The following GALNTL5 variants were observed in gnomAD, a reference collection of about 807,000 sequenced individuals.
GALNTL5 encodes the protein inactive polypeptide N-acetylgalactosaminyltransferase-like protein 5.
GALNTL5 carries 44 observed loss-of-function variants against 51.0 expected under a neutral mutation model. The ratio of observed to expected loss-of-function variants is 0.86; its 90% confidence interval spans 0.68 to 1.11. The LOEUF (loss-of-function observed/expected upper bound fraction) is 1.11. Ranked by LOEUF, GALNTL5 falls within the 50% of genes least tolerant of loss-of-function variation. GALNTL5 has a pLI of 0.00. For missense variants in GALNTL5, 528 were observed against 531.8 expected, an observed-to-expected ratio of 0.99 and a Z score of 0.07; for synonymous variants, 192 against 182.8, an observed-to-expected ratio of 1.05 and a Z score of -0.41.
chr7:151,989,973 G>A (rs914711924), intron 5 of GALNTL5, among the ~76,000 whole-genome samples: 1 of 152,148 alleles, frequency 6.6e-6, no homozygotes, highest in Non-Finnish European at 1.5e-5. Context: ...TGAACACTGA[G>A]AATATCGGTC....
chr7:152,019,067 T>C (rs756793122), intron 8 of GALNTL5, among the ~76,000 whole-genome samples: 9 of 152,216 alleles, frequency 5.9e-5, no homozygotes, highest in Non-Finnish European at 8.8e-5. Context: ...GTGGTAATAA[T>C]GACCACCTCA....
chr7:152,013,098 G>T lies in GALNTL5; in HGVS notation c.1027-1546G>T, dbSNP rs566733541. Reference sequence around the variant, plus strand: ...TCCTAAGCAAATTAACACAGGAACGGAAGACTAAATACTGCATGTTCTTAT... The same window carrying T: ...TCCTAAGCAAATTAACACAGGAACGTAAGACTAAATACTGCATGTTCTTAT... On this transcript the variant is annotated intron_variant, in intron 7 of 8. Transcript: ENST00000392800. Among the ~76,000 whole-genome samples, 9 of 152,270 alleles carry T rather than the reference G, an allele frequency of 5.9e-5. No homozygotes were observed. The South Asian group carries it at 1.2e-3, about 21-fold the overall frequency.
intron 6 of GALNTL5, among the ~76,000 whole-genome samples, chr7:152,005,896 T>C (rs745536429): frequency 1.3e-4 from 20 of 152,204 alleles, no homozygotes; most frequent in Non-Finnish European, 1.9e-4. Context: ...CAATCCTATA[T>C]GGATTCAATC....
At chr7:152,007,470 G>A (rs1243336863) in intron 6 of GALNTL5, among the ~76,000 whole-genome samples, 1 of 140,964 alleles carries the variant, frequency 7.1e-6, no homozygotes, top group Admixed American at 7.4e-5. Context: ...CCAGGCTGGA[G>A]TGCTGTGGCA....
At chr7:151,976,680 A>G (rs528542048) in intron 3 of GALNTL5, among the ~76,000 whole-genome samples, 2 of 151,858 alleles carry the variant, frequency 1.3e-5, no homozygotes, top group Admixed American at 1.3e-4. Flanking sequence ...ATATATATAT[A>G]TTTTTTGAGA....
intron 1 of GALNTL5, among the ~76,000 whole-genome samples, chr7:151,958,219 T>TC (rs1363179161): frequency 6.6e-6 from 1 of 152,218 alleles, no homozygotes; most frequent in Non-Finnish European, 1.5e-5. Flanking sequence ...GGGCTTGCTC[T>TC]CCCCACTGGA....
At chr7:151,991,181 C>T (rs2151951269) in intron 5 of GALNTL5, among the ~76,000 whole-genome samples, 1 of 152,232 alleles carries the variant, frequency 6.6e-6, no homozygotes, top group Admixed American at 6.5e-5. Context: ...CAACCTCAGC[C>T]TCCCGGGTTC....
intron 7 of GALNTL5, 93 bp downstream of exon 7, chr7:152,008,037 A>C: frequency 1.3e-6 from 1 of 750,692 alleles, no homozygotes. Flanking sequence ...ATTTTCCTAC[A>C]TGAACATCCA....
intron 5 of GALNTL5, among the ~76,000 whole-genome samples, chr7:151,993,156 C>A (rs1024785827): frequency 1.3e-5 from 2 of 151,842 alleles, no homozygotes; most frequent in South Asian, 4.2e-4. Context: ...ATTGCTTGAA[C>A]CCAGGAGGTG....
chr7:151,982,914 T>C (rs747684505), intron 3 of GALNTL5, 72 bp from the exon 4 acceptor site: 1 of 1,611,654 alleles, frequency 6.2e-7, no homozygotes, highest in Admixed American at 1.7e-5. Flanking sequence ...TAAGGAGAAG[T>C]GTTTGAACGA....
At chr7:151,982,829 T>G (rs2081309275) in intron 3 of GALNTL5, 157 bp from the exon 4 acceptor site, 3 of 1,486,442 alleles carry the variant, frequency 2.0e-6, no homozygotes, top group Non-Finnish European at 2.7e-6. Flanking sequence ...AAATAAATTT[T>G]TGTGTTTTTA....
chr7:152,003,487 A>G (rs188096080), intron 6 of GALNTL5, among the ~76,000 whole-genome samples: 139 of 152,352 alleles, frequency 9.1e-4, no homozygotes, highest in African/African-American at 2.8e-3. Context: ...TCTGTTAAAC[A>G]GTGATAGTAA....
At chr7:151,979,108 T>TTA (rs1184938278) in intron 3 of GALNTL5, among the ~76,000 whole-genome samples, 1 of 140,708 alleles carries the variant, frequency 7.1e-6, no homozygotes, top group Non-Finnish European at 1.5e-5. Flanking sequence ...CTTTTACTCT[T>TTA]TTTTTTTTTT....
intron 3 of GALNTL5, among the ~76,000 whole-genome samples, chr7:151,979,704 AC>A (rs1345435542): frequency 3.3e-5 from 5 of 150,838 alleles, no homozygotes; most frequent in Non-Finnish European, 5.9e-5. Context: ...TGATCCGCCC[AC>A]CTTGGCCTCC....
At chr7:151,982,306 C>T (rs537892646) in intron 3 of GALNTL5, among the ~76,000 whole-genome samples, 5 of 151,932 alleles carry the variant, frequency 3.3e-5, no homozygotes, top group South Asian at 2.1e-4. Context: ...CCCAGCTACT[C>T]GGGAGGCTGA....
Position 152,019,780 on chromosome 7 carries a change from G to A in GALNTL5, c.1311G>A (p.Glu437=). The change falls in exon 9 of 9, where the codon GAG becomes GAA. Residue 437 remains glutamate (E), a synonymous_variant. Transcript: ENST00000392800. The part of the protein sequence containing the change: ...WYLDNVFPEL[E]ASVNSL ...TGGATAATGTCTTCCCAGAGTTGGAGGCATCTGTGAACAGCCTGTGAAAGG... is the reference window on the plus strand; with the variant it reads ...TGGATAATGTCTTCCCAGAGTTGGAAGCATCTGTGAACAGCCTGTGAAAGG... 1 of 1,612,900 alleles carries A rather than the reference G, an allele frequency of 6.2e-7. No individual in the cohort carries two copies. Among genetic ancestry groups the A allele is most frequent in the Non-Finnish European group, 8.5e-7 (1 of 1,179,322 alleles).
At chr7:151,995,402 G>T (rs2081487498) in intron 5 of GALNTL5, 1 of 110,934 alleles carries the variant, frequency 9.0e-6, no homozygotes, top group Non-Finnish European at 1.7e-5. Context: ...CATGGGAGCG[G>T]AAGTGTCATG....
At chr7:151,990,447 G>A (rs1467818207) in intron 5 of GALNTL5, among the ~76,000 whole-genome samples, 2 of 150,914 alleles carry the variant, frequency 1.3e-5, no homozygotes, top group Non-Finnish European at 3.0e-5. Context: ...CGGGCGTGGT[G>A]GCGGGCGCCT....
At chr7:151,981,329 GTGTTGTAGGCATGTTA>G (rs2081283232) in intron 3 of GALNTL5, among the ~76,000 whole-genome samples, 1 of 152,142 alleles carries the variant, frequency 6.6e-6, no homozygotes, top group African/African-American at 2.4e-5. Flanking sequence ...ACTGCTCTAA[GTGTTGTAGGCATGTTA>G]ATTCATTGCA....
Sources: allele counts gnomAD v4.1 joint callset (sites outside exome capture counted in the v4.1 genomes callset), GRCh38; gene constraint gnomAD v4.1.1; transcripts MANE v1.5; gene names NCBI Gene and HGNC (gene_info 2026-07-23, HGNC 2026-07-21).